Variants in ATOH8 observed in about 807,000 individuals in gnomAD.
The protein encoded by ATOH8 is atonal bHLH transcription factor 8, also known as transcription factor ATOH8.
In ATOH8, 9 loss-of-function variants were observed where a neutral mutation model predicts 21.2. The ratio of observed to expected loss-of-function variants is 0.42; its 90% CI spans 0.26 to 0.74. The LOEUF is 0.74. Among genes scored for constraint, ATOH8 ranks in the 30% least tolerant of loss-of-function variants. The pLI, the probability that ATOH8 is intolerant of heterozygous loss-of-function variation, is 0.24. For missense variants in ATOH8, 524 were observed against 470.9 expected, an observed-to-expected ratio of 1.11 and a Z score of -1.04; for synonymous variants, 253 against 224.0, an observed-to-expected ratio of 1.13 and a Z score of -1.16.
chr2:85,771,753 C>G (rs1680187136), intron 2 of ATOH8, among the ~76,000 whole-genome samples: 1 of 152,220 alleles, frequency 6.6e-6, no homozygotes, highest in Admixed American at 6.5e-5. Context: ...CCAAGCACAT[C>G]AACCATGTGG....
At chr2:85,786,853 G>A in intron 2 of ATOH8, 32 bp from the exon 3 acceptor site, 2 of 1,613,798 alleles carry the variant, frequency 1.2e-6, no homozygotes, top group East Asian at 2.2e-5. Context: ...GTGGAGCAGG[G>A]GCAGCTTTTA....
chr2:85,771,075 A>G (rs1278250561), intron 2 of ATOH8, among the ~76,000 whole-genome samples: 3 of 152,078 alleles, frequency 2.0e-5, no homozygotes, highest in Non-Finnish European at 4.4e-5. Context: ...GACGCTGGAG[A>G]AGGGGTGTCT....
chr2:85,782,330 T>C (rs1014045698), intron 2 of ATOH8, among the ~76,000 whole-genome samples: 17 of 152,206 alleles, frequency 1.1e-4, no homozygotes, highest in Non-Finnish European at 2.4e-4. Context: ...GTGGGCATCA[T>C]AGACTGACAA....
At position 85,759,139 on chromosome 2, in the gene ATOH8, A is replaced by G. The variant is rs375582685; in HGVS notation, c.768+4182A>G. Among the ~76,000 whole-genome samples, 5 of 152,264 alleles carry G rather than the reference A, an allele frequency of 3.3e-5. No individual in the cohort carries two copies. The South Asian group carries it at 1.0e-3, about 32-fold the overall frequency. On this transcript the variant is annotated intron_variant, in intron 1 of 2. Transcript: ENST00000306279. Reference sequence around the variant, plus strand: ...GGAGCTTCCCAGGGGGTCTTCACCGAGTGAACTCAGGGTGGCCCTGGAGAG... The same window carrying G: ...GGAGCTTCCCAGGGGGTCTTCACCGGGTGAACTCAGGGTGGCCCTGGAGAG...
chr2:85,765,252 C>T (rs1210415147), intron 2 of ATOH8, among the ~76,000 whole-genome samples: 1 of 152,212 alleles, frequency 6.6e-6, no homozygotes. Context: ...CTGCCTCCTT[C>T]CTTCCTGGCC....
chr2:85,772,033 G>A (rs1489506637), intron 2 of ATOH8, among the ~76,000 whole-genome samples: 1 of 152,266 alleles, frequency 6.6e-6, no homozygotes, highest in Non-Finnish European at 1.5e-5. Context: ...ACAGTGGCCT[G>A]TGCCCAGGAG....
intron 2 of ATOH8, among the ~76,000 whole-genome samples, chr2:85,771,156 G>A (rs1396249539): frequency 6.6e-6 from 1 of 152,158 alleles, no homozygotes; most frequent in Non-Finnish European, 1.5e-5. Flanking sequence ...ATCATTTAAG[G>A]CACAGGAACG....
intron 2 of ATOH8, among the ~76,000 whole-genome samples, chr2:85,783,091 T>G (rs1680538368): frequency 6.6e-6 from 1 of 152,202 alleles, no homozygotes; most frequent in East Asian, 1.9e-4. Context: ...GGAGCTGGCA[T>G]TCTGACTATA....
At chr2:85,781,818 C>T (rs1016521156) in intron 2 of ATOH8, among the ~76,000 whole-genome samples, 1 of 152,014 alleles carries the variant, frequency 6.6e-6, no homozygotes, top group Non-Finnish European at 1.5e-5. Context: ...GCTGAGGTGG[C>T]AGTGAGCCTT....
intron 2 of ATOH8, among the ~76,000 whole-genome samples, chr2:85,779,063 C>G (rs940382644): frequency 1.3e-5 from 2 of 151,888 alleles, no homozygotes; most frequent in Non-Finnish European, 1.5e-5. Context: ...GCCTGGGTGC[C>G]TCCTCCAGCC....
chr2:85,784,767 C>T (rs1310089389), intron 2 of ATOH8, among the ~76,000 whole-genome samples: 5 of 152,178 alleles, frequency 3.3e-5, no homozygotes, highest in African/African-American at 9.7e-5. Flanking sequence ...GTACAAGTGA[C>T]GGAATGAAGG....
intron 2 of ATOH8, among the ~76,000 whole-genome samples, chr2:85,776,930 GC>G (rs1171316223): frequency 6.6e-6 from 1 of 152,014 alleles, no homozygotes; most frequent in Admixed American, 6.5e-5. Flanking sequence ...CCCTGTTCCT[GC>G]CACCACCACG....
rs1680725609 is a variant in ATOH8, at chr2:85,789,987, A to G, written c.*3097A>G. ...TGCATACCCACACACACACTCGTGT[A>G]CATTTCCAGAAAATGGAATTACATT... On this transcript the variant is annotated 3_prime_UTR_variant, in exon 3 of 3. Coordinates refer to ENST00000306279, the MANE Select transcript of ATOH8 (RefSeq NM_032827.7). 6.6e-6 allele frequency among the ~76,000 whole-genome samples: 1 copy of G among 152,238 alleles called. No individual in the cohort carries two copies. Among genetic ancestry groups the G allele is most frequent in the Admixed American group, 6.5e-5 (1 of 15,288 alleles).
At chr2:85,763,791 T>C (rs1679929111) in intron 1 of ATOH8, among the ~76,000 whole-genome samples, 200 bp from the exon 2 acceptor site, 1 of 151,712 alleles carries the variant, frequency 6.6e-6, no homozygotes, top group Non-Finnish European at 1.5e-5. Flanking sequence ...AAAATGGGAA[T>C]GTGGGTATAT....
At chr2:85,775,281 C>T (rs535093520) in intron 2 of ATOH8, 1 of 985,268 alleles carries the variant, frequency 1.0e-6, no homozygotes, top group East Asian at 1.1e-4. Flanking sequence ...AATGACACAC[C>T]ATTCTTTCCA....
At position 85,789,912 on chromosome 2, in the gene ATOH8, G is replaced by A. The variant is rs1479431770; in HGVS notation, c.*3022G>A. On this transcript the variant is annotated 3_prime_UTR_variant, in exon 3 of 3. Transcript: ENST00000306279. Reference sequence around the variant, plus strand: ...CTTTCCCAGCTTCCTCTCCAGCACAGCAACTTGTGTTCGTATGCACACACA... The same window carrying A: ...CTTTCCCAGCTTCCTCTCCAGCACAACAACTTGTGTTCGTATGCACACACA... Among the ~76,000 whole-genome samples the A allele has an allele frequency of 6.6e-6, 1 of 152,156 alleles. No individual in the cohort carries two copies. The highest frequency in any genetic ancestry group is 1.5e-5 in the Non-Finnish European group (1 of 68,032).
chr2:85,771,531 A>G (rs1399674405), intron 2 of ATOH8, among the ~76,000 whole-genome samples: 1 of 152,186 alleles, frequency 6.6e-6, no homozygotes. Context: ...CAAAAGGCAG[A>G]TGGGGAAGGA....
chr2:85,786,222 T>A (rs901501896), intron 2 of ATOH8, among the ~76,000 whole-genome samples: 5 of 152,120 alleles, frequency 3.3e-5, no homozygotes, highest in Non-Finnish European at 7.4e-5. Flanking sequence ...GGTCTCTGGG[T>A]CCCCCTTCCT....
intron 2 of ATOH8, among the ~76,000 whole-genome samples, 191 bp downstream of exon 2, chr2:85,764,373 G>C (rs1485158524): frequency 6.6e-6 from 1 of 152,212 alleles, no homozygotes; most frequent in African/African-American, 2.4e-5. Context: ...CTCTACTTCT[G>C]GTAACCGGCT....
Sources: gnomAD v4.1 joint callset for allele counts (sites outside exome capture counted in the v4.1 genomes callset) on GRCh38, gnomAD v4.1.1 for gene constraint, MANE v1.5 for transcripts, NCBI Gene and HGNC (gene_info 2026-07-23, HGNC 2026-07-21) for gene names.